PIEZO1: variants seen among roughly 807,000 people sequenced by gnomAD.
PIEZO1 encodes piezo type mechanosensitive ion channel component 1 (Er blood group), also known as piezo-type mechanosensitive ion channel component 1.
In PIEZO1, 296 loss-of-function variants were observed where a neutral mutation model predicts 297.2. The ratio of observed to expected loss-of-function variants is 1.00; its 90% CI spans 0.91 to 1.10. The LOEUF is 1.10. Ranked by LOEUF, PIEZO1 falls within the 50% of genes least tolerant of loss-of-function variation. The probability of loss-of-function intolerance (pLI) is 0.00; values close to 1 mark genes in which losing one functional copy is unlikely to be tolerated. For missense variants in PIEZO1, 5,018 were observed against 3,455.5 expected (o/e 1.45, Z -11.34); for synonymous variants, 2,427 against 1,507.5 (o/e 1.61, Z -14.13).
At chr16:88,758,743 A>G (rs1815637494) in intron 1 of PIEZO1, among the ~76,000 whole-genome samples, 1 of 152,230 alleles carries the variant, frequency 6.6e-6, no homozygotes, top group Non-Finnish European at 1.5e-5. Context: ...ACCACAGATG[A>G]GCCCAATCTC....
chr16:88,732,251 G>T (rs1336488886), intron 21 of PIEZO1, 84 bp downstream of exon 21: 24 of 1,249,014 alleles, frequency 1.9e-5, no homozygotes, highest in Non-Finnish European at 2.5e-5. Context: ...GTGGGGCCAG[G>T]CTTGCGGTGC....
chr16:88,744,320 G>C (rs1353127799), intron 2 of PIEZO1: 1 of 152,570 alleles, frequency 6.6e-6, no homozygotes, highest in Non-Finnish European at 1.5e-5. Flanking sequence ...TGGGCACTCA[G>C]GGAGAGCACG....
Position 88,716,382 on chromosome 16 carries a change from T to C in PIEZO1, c.7028A>G (p.Glu2343Gly). The C allele has an allele frequency of 6.5e-7, 1 of 1,545,616 alleles. No homozygotes were observed. The highest frequency in any genetic ancestry group is 2.4e-5 in the East Asian group (1 of 40,852). ...TARRQLASLLEGTSDQSVVIP... is the reference protein window; with the variant it reads ...TARRQLASLLGGTSDQSVVIP... Reference sequence around the variant, plus strand: ...TCACACAGACTGGTCCGAGGTGCCCTCGAGCAGGCTGGCCAGCTGCCGCCG... The same window carrying C: ...TCACACAGACTGGTCCGAGGTGCCCCCGAGCAGGCTGGCCAGCTGCCGCCG... The change falls in exon 48 of 51, where the codon GAG (glutamate) becomes GGG (glycine). Residue 2343 changes from glutamate (E) to glycine (G), a missense_variant. Transcript: ENST00000301015.
chr16:88,726,043 G>C, intron 27 of PIEZO1: 2 of 573,882 alleles, frequency 3.5e-6, no homozygotes, highest in East Asian at 2.9e-5. Flanking sequence ...TTGGCTGGGG[G>C]TGAGACACCA....
intron 10 of PIEZO1, 137 bp from the exon 11 acceptor site, chr16:88,736,876 A>G (rs1905256694): frequency 1.8e-6 from 1 of 550,006 alleles, no homozygotes; most frequent in Non-Finnish European, 3.2e-6. Context: ...GCAGAACACG[A>G]GGGCTCCGGC....
At chr16:88,732,756 G>T in intron 19 of PIEZO1, 24 bp from the exon 20 acceptor site, 3 of 1,524,928 alleles carry the variant, frequency 2.0e-6, no homozygotes, top group Non-Finnish European at 2.7e-6. Context: ...AGGCATCAGT[G>T]CCCCCTCCCA....
rs1402851913 is a variant in PIEZO1 at position 88,735,165 on chromosome 16, C to G, written c.1639G>C (p.Ala547Pro). 1 of 1,550,374 alleles carries G rather than the reference C, an allele frequency of 6.5e-7. No individual in the cohort carries two copies. The highest frequency in any genetic ancestry group is 2.0e-5 in the Admixed American group (1 of 51,010). The stretch of plus-strand genomic sequence containing the variant: ...TCTGCCACGGTGACCTCCGTCAGCG[C>G]AGCTGGAGACTCTGCCCACTTCAGC... ...KLLKWAESPA[A>P]LTEVTVADTE... The change falls in exon 13 of 51, where the codon GCG (alanine) becomes CCG (proline). Residue 547 changes from alanine (A) to proline (P), a missense_variant. Physicochemically the swap from Ala to Pro is conservative, Grantham distance 27. Coordinates refer to ENST00000301015, the MANE Select transcript of PIEZO1 (RefSeq NM_001142864.4).
chr16:88,757,731 G>T (rs938576687), intron 1 of PIEZO1, among the ~76,000 whole-genome samples: 3 of 152,152 alleles, frequency 2.0e-5, no homozygotes, highest in South Asian at 2.1e-4. Context: ...AGCTGCCATG[G>T]CTGGAGGCAT....
Position 88,717,078 on chromosome 16 carries a change from C to G in PIEZO1, c.6605G>C (p.Gly2202Ala). The G allele has an allele frequency of 6.4e-7, 1 of 1,551,118 alleles. No homozygotes were observed. The highest frequency in any genetic ancestry group is 8.7e-7 in the Non-Finnish European group (1 of 1,147,098). Residue 2202 changes from glycine to alanine, a missense_variant, in exon 45 of 51, where the codon GGG (glycine) becomes GCG (alanine). Physicochemically the swap from Gly to Ala is moderately conservative, Grantham distance 60 (BLOSUM62 0). Coordinates refer to ENST00000301015, the MANE Select transcript of PIEZO1 (RefSeq NM_001142864.4). ...LFMSLVRSVV[G>A]VVNQPIDVTV... ...GACATCGATGGGCTGGTTGACAACC[C>G]CAACCACGGAGCGCACCAGCGACAT... is the stretch of plus-strand genomic sequence containing the variant.
intron 22 of PIEZO1, among the ~76,000 whole-genome samples, chr16:88,730,287 C>T (rs1362779997): frequency 6.6e-6 from 1 of 152,196 alleles, no homozygotes; most frequent in Non-Finnish European, 1.5e-5. Context: ...GGCAGCAGCG[C>T]CTGGGAGCAG....
chr16:88,759,751 CG>C (rs1421415507), intron 1 of PIEZO1, among the ~76,000 whole-genome samples: 3 of 152,150 alleles, frequency 2.0e-5, no homozygotes, highest in African/African-American at 7.2e-5. Flanking sequence ...GCCCAGGGGA[CG>C]GGGGGAAGCC....
rs376785885 is a variant in PIEZO1 at position 88,715,500 on chromosome 16, G to A, written c.*105C>T. The stretch of plus-strand genomic sequence containing the variant: ...GCCGGGAGGATGCATCACAGCTGGC[G>A]GCCTTGGACGGGGCAGTGGCTCCCC... On this transcript the variant is annotated 3_prime_UTR_variant, in exon 51 of 51. Coordinates refer to ENST00000301015, the MANE Select transcript of PIEZO1 (RefSeq NM_001142864.4). 3.5e-4 allele frequency: 420 copies of A among 1,198,918 alleles called. No individual in the cohort carries two copies. The African/African-American group carries it at 4.4e-3, about 13-fold the overall frequency. 74.3% of individuals were successfully genotyped at this position (1,198,918 alleles called of 1,614,324 possible).
At chr16:88,762,709 T>G (rs1169658659) in intron 1 of PIEZO1, among the ~76,000 whole-genome samples, 1 of 152,200 alleles carries the variant, frequency 6.6e-6, no homozygotes, top group East Asian at 1.9e-4. Context: ...GTGGCTTCTG[T>G]TGTGCCACTT....
At chr16:88,778,657 G>A (rs1191540696) in intron 1 of PIEZO1, among the ~76,000 whole-genome samples, 8 of 152,188 alleles carry the variant, frequency 5.3e-5, no homozygotes, top group Admixed American at 3.9e-4. Flanking sequence ...CCATGGGCCC[G>A]GCACCAGCAG....
intron 1 of PIEZO1, among the ~76,000 whole-genome samples, chr16:88,767,758 G>A (rs141219413): frequency 1.0e-3 from 158 of 152,234 alleles, no homozygotes; most frequent in Non-Finnish European, 1.7e-3. Flanking sequence ...GAACATCTCC[G>A]CTGAGCCTTC....
At chr16:88,732,572 C>T (rs1394851407) in intron 20 of PIEZO1, 35 bp downstream of exon 20, 8 of 1,543,246 alleles carry the variant, frequency 5.2e-6, no homozygotes, top group South Asian at 3.6e-5. Flanking sequence ...GCCGGGTACT[C>T]GCCCGCCCAG....
In PIEZO1 at chr16:88,744,595, G is replaced by C. The variant is rs566527585; in HGVS notation, c.161-2173C>G. 8.0e-4 allele frequency among the ~76,000 whole-genome samples: 120 copies of C among 150,882 alleles called. 2 individuals carry two copies. The highest frequency in any genetic ancestry group is 7.0e-3 in the South Asian group (33 of 4,686). On this transcript the variant is annotated intron_variant, in intron 2 of 50. Coordinates refer to ENST00000301015, the MANE Select transcript of PIEZO1 (RefSeq NM_001142864.4). ...CCGCCTTGCCCTGCACGACAGTCCA[G>C]GATGTCCGTCTCTGGCTACATCTCG...
chr16:88,715,924 C>T lies in PIEZO1; in HGVS notation c.7316+9G>A. 6.5e-7 allele frequency: 1 copy of T among 1,547,476 alleles called. No individual in the cohort carries two copies. Among genetic ancestry groups the T allele is most frequent in the Non-Finnish European group, 8.7e-7 (1 of 1,144,878 alleles). On this transcript the variant is annotated intron_variant, in intron 50 of 50. Coordinates refer to ENST00000301015, the MANE Select transcript of PIEZO1 (RefSeq NM_001142864.4). ...GAGCTGCGGGGTGCCCCCCCAGCCA[C>T]TCACTCACCCGTAGCCAGCCAGGAA...
intron 10 of PIEZO1, 124 bp from the exon 11 acceptor site, chr16:88,736,863 T>C (rs1379745835): frequency 8.4e-6 from 5 of 595,374 alleles, no homozygotes; most frequent in African/African-American, 3.9e-5. Context: ...CGGTGGGCTA[T>C]GGGCAGAACA....
Sources: allele counts gnomAD v4.1 joint callset (sites outside exome capture counted in the v4.1 genomes callset), GRCh38; gene constraint gnomAD v4.1.1; transcripts MANE v1.5; gene names NCBI Gene and HGNC (gene_info 2026-07-23, HGNC 2026-07-21).